ARHGAP15: variants seen among roughly 807,000 people sequenced by gnomAD.
ARHGAP15 encodes Rho GTPase activating protein 15.
In ARHGAP15, 51 loss-of-function variants were observed where a neutral mutation model predicts 63.7. The observed-to-expected ratio is 0.80, with a 90% CI of 0.64 to 1.01. The LOEUF (loss-of-function observed/expected upper bound fraction) is 1.01, where lower values mean the gene tolerates loss of function less well. Ranked by LOEUF, ARHGAP15 falls within the 50% of genes least tolerant of loss-of-function variation. ARHGAP15 has a pLI of 0.00. For missense variants in ARHGAP15, 560 were observed against 564.6 expected, an observed-to-expected ratio of 0.99 and a Z score of 0.08; for synonymous variants, 191 against 193.8, an observed-to-expected ratio of 0.99 and a Z score of 0.12.
intron 13 of ARHGAP15, among the ~76,000 whole-genome samples, chr2:143,753,829 A>C (rs1686472573): frequency 6.6e-6 from 1 of 152,220 alleles, no homozygotes; most frequent in Non-Finnish European, 1.5e-5. Flanking sequence ...AATTAGGTAC[A>C]TGTTTGGAAA....
intron 9 of ARHGAP15, among the ~76,000 whole-genome samples, chr2:143,503,375 T>C (rs1379991290): frequency 6.6e-6 from 1 of 152,200 alleles, no homozygotes; most frequent in African/African-American, 2.4e-5. Flanking sequence ...ATTTTACTTA[T>C]TCAGGAAAAC....
chr2:143,594,657 A>T (rs930259674), intron 11 of ARHGAP15, among the ~76,000 whole-genome samples: 1 of 152,190 alleles, frequency 6.6e-6, no homozygotes, highest in Admixed American at 6.5e-5. Flanking sequence ...CTAACCTCTA[A>T]AACAAAGGAA....
At chr2:143,154,419 A>G (rs1283572315) in intron 1 of ARHGAP15, among the ~76,000 whole-genome samples, 1 of 151,888 alleles carries the variant, frequency 6.6e-6, no homozygotes, top group Non-Finnish European at 1.5e-5. Flanking sequence ...TGGGGTGGCT[A>G]TACACTTGCC....
chr2:143,392,347 ACAT>A (rs527997861), intron 6 of ARHGAP15, among the ~76,000 whole-genome samples: 12 of 152,356 alleles, frequency 7.9e-5, no homozygotes, highest in African/African-American at 2.4e-4. Context: ...CATTTGATCC[ACAT>A]CATCAACTTT....
intron 6 of ARHGAP15, among the ~76,000 whole-genome samples, chr2:143,269,793 A>G (rs150921042): frequency 6.6e-6 from 1 of 152,262 alleles, no homozygotes; most frequent in Non-Finnish European, 1.5e-5. Context: ...TCAGGGATAT[A>G]CTGGCCACAG....
chr2:143,171,929 C>T (rs1259964895), intron 2 of ARHGAP15: 1 of 152,030 alleles, frequency 6.6e-6, no homozygotes, highest in East Asian at 1.9e-4. Flanking sequence ...ATCAAAGACA[C>T]AGGTTTATCA....
chr2:143,761,894 A>G (rs1686773058), intron 13 of ARHGAP15, among the ~76,000 whole-genome samples: 1 of 152,162 alleles, frequency 6.6e-6, no homozygotes, highest in Admixed American at 6.6e-5. Flanking sequence ...AGCTCCTGTT[A>G]GAAAACTGAA....
At chr2:143,248,412 C>T (rs550232469) in intron 5 of ARHGAP15, among the ~76,000 whole-genome samples, 77 of 152,230 alleles carry the variant, frequency 5.1e-4, no homozygotes, top group Middle Eastern at 3.4e-3. Context: ...CATAGCTTTT[C>T]CCAAATTCTT....
chr2:143,258,471 C>T (rs938130933), intron 6 of ARHGAP15, among the ~76,000 whole-genome samples: 7 of 152,094 alleles, frequency 4.6e-5, no homozygotes, highest in Non-Finnish European at 7.4e-5. Flanking sequence ...GGAAAGGCCA[C>T]TTATGGCATC....
intron 6 of ARHGAP15, among the ~76,000 whole-genome samples, chr2:143,417,282 C>T (rs1178432161): frequency 6.6e-6 from 1 of 152,134 alleles, no homozygotes; most frequent in East Asian, 1.9e-4. Context: ...GATGATCACA[C>T]CTGTGCATTA....
At chr2:143,477,266 CAT>C (rs1189729729) in intron 8 of ARHGAP15, among the ~76,000 whole-genome samples, 4 of 151,752 alleles carry the variant, frequency 2.6e-5, no homozygotes, top group African/African-American at 9.7e-5. Flanking sequence ...ACAACAGATG[CAT>C]AGTGAATGCT....
intron 6 of ARHGAP15, among the ~76,000 whole-genome samples, chr2:143,347,440 G>A (rs971720337): frequency 2.0e-5 from 3 of 152,062 alleles, no homozygotes; most frequent in African/African-American, 4.8e-5. Flanking sequence ...ATGGGTTTTC[G>A]GATGGGGAAT....
chr2:143,535,887 G>C (rs1694732040), intron 10 of ARHGAP15, among the ~76,000 whole-genome samples: 1 of 152,074 alleles, frequency 6.6e-6, no homozygotes, highest in Admixed American at 6.6e-5. Context: ...CATAAATGTT[G>C]TATCAATGAA....
At chr2:143,643,843 G>C (rs1245144455) in intron 12 of ARHGAP15, among the ~76,000 whole-genome samples, 1 of 152,044 alleles carries the variant, frequency 6.6e-6, no homozygotes, top group Non-Finnish European at 1.5e-5. Flanking sequence ...ATAACCAAGA[G>C]GATAGAAATG....
intron 6 of ARHGAP15, among the ~76,000 whole-genome samples, chr2:143,358,573 C>T (rs1204721366): frequency 1.3e-5 from 2 of 150,088 alleles, no homozygotes; most frequent in African/African-American, 4.9e-5. Context: ...GGAAAAGGCA[C>T]TTATTTTCTT....
chr2:143,221,099 A>G (rs1395639043), intron 4 of ARHGAP15, among the ~76,000 whole-genome samples: 2 of 152,110 alleles, frequency 1.3e-5, no homozygotes, highest in Admixed American at 6.5e-5. Context: ...CTCTTATTTC[A>G]TGCCATCAAC....
At chr2:143,544,474 C>G (rs1206396453) in intron 10 of ARHGAP15, among the ~76,000 whole-genome samples, 1 of 152,052 alleles carries the variant, frequency 6.6e-6, no homozygotes, top group African/African-American at 2.4e-5. Flanking sequence ...GTATATACTA[C>G]ACACATGTGT....
chr2:143,470,437 A>G (rs1691462210), intron 8 of ARHGAP15, among the ~76,000 whole-genome samples: 1 of 151,642 alleles, frequency 6.6e-6, no homozygotes, highest in Non-Finnish European at 1.5e-5. Flanking sequence ...CTTAGAGCAT[A>G]GGGCTTTTCC....
At chr2:143,648,950 G>C (rs1234579585) in intron 12 of ARHGAP15, 1 of 151,846 alleles carries the variant, frequency 6.6e-6, no homozygotes. Context: ...AATATAACAA[G>C]ACATAGTGCA....
Sources: allele counts gnomAD v4.1 joint callset (sites outside exome capture counted in the v4.1 genomes callset), GRCh38; gene constraint gnomAD v4.1.1; transcripts MANE v1.5; gene names NCBI Gene and HGNC (gene_info 2026-07-23, HGNC 2026-07-21).